Variants in NLGN4Y observed in about 807,000 individuals in gnomAD.
NLGN4Y encodes the protein neuroligin-4, Y-linked.
A neutral mutation model predicts 8.4 loss-of-function variants in NLGN4Y; 4 were observed. That is an observed-to-expected ratio of 0.48 (90% CI 0.23 to 1.09). The LOEUF (loss-of-function observed/expected upper bound fraction) is 1.09. Among genes scored for constraint, NLGN4Y ranks in the 50% least tolerant of loss-of-function variants. The probability of loss-of-function intolerance (pLI) is 0.19; values close to 1 mark genes in which losing one functional copy is unlikely to be tolerated. For missense variants in NLGN4Y, 90 were observed against 192.3 expected (o/e 0.47, Z 3.15); for synonymous variants, 35 against 75.6 (o/e 0.46, Z 2.78).
chrY:14,756,866 CATATATATATAT>C (rs145217639), intron 4 of NLGN4Y, among the ~76,000 whole-genome samples: 89 of 2,160 alleles, frequency 0.041, no homozygotes, highest in South Asian at 0.09. Flanking sequence ...ATATTTTATA[CATATATATATAT>C]ATATATATAT....
intron 2 of NLGN4Y, among the ~76,000 whole-genome samples, chrY:14,632,472 C>T: frequency 1.2e-4 from 4 of 33,780 alleles, no homozygotes; most frequent in African/African-American, 4.6e-4. Context: ...GTGGCAATAA[C>T]ACTACTCTTT....
intron 4 of NLGN4Y, among the ~76,000 whole-genome samples, chrY:14,763,450 C>G (rs2081086356): frequency 6.1e-5 from 2 of 32,933 alleles, no homozygotes; most frequent in African/African-American, 2.4e-4. Flanking sequence ...ATAGGAAACC[C>G]CCCTTGCTTC....
At chrY:14,587,059 T>C in intron 1 of NLGN4Y, among the ~76,000 whole-genome samples, 1 of 32,746 alleles carries the variant, frequency 3.1e-5, no homozygotes, top group South Asian at 6.9e-4. Flanking sequence ...TGAAATGGAG[T>C]TATTTGTTAT....
intron 6 of NLGN4Y, among the ~76,000 whole-genome samples, chrY:14,833,575 C>T: frequency 2.9e-5 from 1 of 34,048 alleles, no homozygotes; most frequent in African/African-American, 1.1e-4. Flanking sequence ...TCCCTGACTT[C>T]CCACAACACT....
At chrY:14,695,021 A>G (rs773509774) in intron 2 of NLGN4Y, among the ~76,000 whole-genome samples, 2 of 33,741 alleles carry the variant, frequency 5.9e-5, no homozygotes, top group South Asian at 1.3e-3. Context: ...GTGCCTCAGT[A>G]GGGTTGGAGG....
At chrY:14,677,494 A>T in intron 2 of NLGN4Y, among the ~76,000 whole-genome samples, 1 of 32,295 alleles carries the variant, frequency 3.1e-5, no homozygotes, top group African/African-American at 1.2e-4. Flanking sequence ...CAGTTCCCCG[A>T]GCATACCTGC....
chrY:14,675,229 AC>A (rs2080744828), intron 2 of NLGN4Y, among the ~76,000 whole-genome samples: 1 of 33,181 alleles, frequency 3.0e-5, no homozygotes. Context: ...TCCATACTCT[AC>A]CCTGAATACT....
chrY:14,596,340 T>C (rs2080397485), intron 1 of NLGN4Y, among the ~76,000 whole-genome samples: 1 of 33,360 alleles, frequency 3.0e-5, no homozygotes, highest in African/African-American at 1.2e-4. Context: ...GTCATTCTTA[T>C]AGGAGAAACA....
At chrY:14,544,338 T>A in intron 1 of NLGN4Y, among the ~76,000 whole-genome samples, 1 of 33,535 alleles carries the variant, frequency 3.0e-5, no homozygotes. Context: ...GATCCACAGG[T>A]TTATGCCTTC....
chrY:14,689,807 C>T, intron 2 of NLGN4Y, among the ~76,000 whole-genome samples: 1 of 33,152 alleles, frequency 3.0e-5, no homozygotes, highest in East Asian at 8.0e-4. Flanking sequence ...TTATTCCAGG[C>T]ATCTCCATGA....
At chrY:14,618,882 A>G in intron 1 of NLGN4Y, among the ~76,000 whole-genome samples, 2 of 33,703 alleles carry the variant, frequency 5.9e-5, no homozygotes, top group Admixed American at 5.5e-4. Context: ...TTGTGCTGAG[A>G]TGCGGCAATG....
intron 4 of NLGN4Y, among the ~76,000 whole-genome samples, chrY:14,759,562 C>A (rs2081074406): frequency 1.2e-4 from 4 of 34,456 alleles, no homozygotes; most frequent in Admixed American, 5.2e-4. Context: ...CCCGCCTCGG[C>A]CTCCCAAAGT....
rs752177363 is a variant in NLGN4Y, at chrY:14,701,981, T to TTTTA, written c.473-17454_473-17451dup. On this transcript the variant is annotated intron_variant, in intron 2 of 6. Coordinates refer to ENST00000684976, the MANE Select transcript of NLGN4Y (RefSeq NM_001365588.1). The stretch of plus-strand genomic sequence containing the variant: ...TCCCTTAAGAAGTTGGAGTATAAAT[T>TTTTA]TTTATTTATTTATTTATTTATTTAT... 3.3e-3 allele frequency among the ~76,000 whole-genome samples: 104 copies of TTTTA among 31,263 alleles called. No individual in the cohort carries two copies. The East Asian group carries it at 0.075, about 23-fold the overall frequency. 83.9% of individuals were successfully genotyped at this position (31,263 alleles called of 37,273 possible).
At chrY:14,735,445 C>T (rs2080988601) in intron 4 of NLGN4Y, among the ~76,000 whole-genome samples, 2 of 33,854 alleles carry the variant, frequency 5.9e-5, no homozygotes, top group South Asian at 1.3e-3. Context: ...TTGAAAAACA[C>T]GTTTGCTTCC....
At chrY:14,665,152 T>A in intron 2 of NLGN4Y, among the ~76,000 whole-genome samples, 1 of 33,758 alleles carries the variant, frequency 3.0e-5, no homozygotes, top group South Asian at 6.7e-4. Context: ...GGTTTATTCA[T>A]CTATCCACCT....
At chrY:14,685,783 A>G (rs2080787513) in intron 2 of NLGN4Y, among the ~76,000 whole-genome samples, 1 of 33,457 alleles carries the variant, frequency 3.0e-5, no homozygotes, top group Non-Finnish European at 7.4e-5. Context: ...TAGTTGGATG[A>G]AGAACATGCC....
At chrY:14,655,142 G>T (rs1002162297) in intron 2 of NLGN4Y, among the ~76,000 whole-genome samples, 23 of 32,506 alleles carry the variant, frequency 7.1e-4, no homozygotes, top group Non-Finnish European at 1.5e-3. Context: ...CACATCACCT[G>T]CTTTTTCTCA....
At chrY:14,560,667 A>G in intron 1 of NLGN4Y, among the ~76,000 whole-genome samples, 2 of 33,446 alleles carry the variant, frequency 6.0e-5, no homozygotes. Context: ...CTCCCTTTAA[A>G]TAAGGTAATT....
At chrY:14,669,092 T>A in intron 2 of NLGN4Y, among the ~76,000 whole-genome samples, 1 of 33,669 alleles carries the variant, frequency 3.0e-5, no homozygotes, top group Non-Finnish European at 7.3e-5. Flanking sequence ...GTGATAATAA[T>A]GTTGATAATA....
Sources: allele counts gnomAD v4.1 joint callset (sites outside exome capture counted in the v4.1 genomes callset), GRCh38; gene constraint gnomAD v4.1.1; transcripts MANE v1.5; gene names NCBI Gene and HGNC (gene_info 2026-07-23, HGNC 2026-07-21).